DMD: variants seen among roughly 807,000 people sequenced by gnomAD.
DMD encodes the protein mutant dystrophin.
DMD carries 63 observed loss-of-function variants against 330.1 expected under a neutral mutation model. That is an observed-to-expected ratio of 0.19 (90% CI 0.16 to 0.24). DMD has a LOEUF of 0.24. Ranked by LOEUF, DMD falls within the 10% of genes least tolerant of loss-of-function variation. The pLI is 1.00. For synonymous variants in DMD, 1,223 were observed against 959.8 expected (o/e 1.27, Z -5.07); for missense variants, 3,344 against 2,684.1 (o/e 1.25, Z -5.43).
chrX:32,035,537 T>C (rs2147300973), intron 44 of DMD: 1 of 303,979 alleles, frequency 3.3e-6, no homozygotes, highest in Admixed American at 3.7e-5. Flanking sequence ...TAGTAGGCAA[T>C]TGCATGAGAG....
Position 31,602,941 on chromosome X carries a change from C to T in DMD, c.8217+24732G>A, listed in dbSNP as rs147680194. The stretch of plus-strand genomic sequence containing the variant: ...CATACATTCACGCTCCAGCCATGGC[C>T]TCACATAGGTGGAAAGTATTTTCCT... On this transcript the variant is annotated intron_variant, in intron 55 of 78. Coordinates refer to ENST00000357033, the MANE Select transcript of DMD (RefSeq NM_004006.3). Among the ~76,000 whole-genome samples, 1,109 of 111,943 alleles carry T rather than the reference C, an allele frequency of 9.9e-3. 13 individuals carry two copies. The highest frequency in any genetic ancestry group is 0.034 in the African/African-American group (1,039 of 30,810).
At chrX:32,720,126 A>T (rs181697147) in intron 7 of DMD, among the ~76,000 whole-genome samples, 1 of 111,373 alleles carries the variant, frequency 9.0e-6, no homozygotes, top group African/African-American at 3.2e-5. Context: ...GCCACTCAAC[A>T]CTCGTAACAC....
At chrX:31,212,178 A>ATG (rs377234015) in intron 64 of DMD, among the ~76,000 whole-genome samples, 1,432 of 75,216 alleles carry the variant, frequency 0.019, 7 homozygotes, top group Non-Finnish European at 0.023. Flanking sequence ...GTGTGTGTGT[A>ATG]TGTGTGTGTG....
intron 52 of DMD, among the ~76,000 whole-genome samples, chrX:31,726,697 G>A (rs1328964888): frequency 1.8e-5 from 2 of 111,908 alleles, no homozygotes; most frequent in African/African-American, 6.5e-5. Context: ...AAATGACATT[G>A]TTTAGATAAA....
intron 44 of DMD, among the ~76,000 whole-genome samples, chrX:32,113,706 C>T (rs917738114): frequency 9.0e-6 from 1 of 111,571 alleles, no homozygotes; most frequent in African/African-American, 3.3e-5. Context: ...TTCTCGATTT[C>T]ACAAGCAACT....
intron 11 of DMD, 94 bp downstream of exon 11, chrX:32,644,038 T>G: frequency 2.6e-6 from 2 of 776,918 alleles, no homozygotes; most frequent in Non-Finnish European, 3.8e-6. Context: ...GGGAACAAAC[T>G]GAGAATCGTA....
In DMD at chrX:32,171,199, C is replaced by A. The variant is rs182865165; in HGVS notation, c.6438+45717G>T. Among the ~76,000 whole-genome samples the A allele has an allele frequency of 6.3e-3, 697 of 111,265 alleles. 3 individuals carry two copies. The highest frequency in any genetic ancestry group is 0.011 in the Non-Finnish European group (595 of 52,990). Reference sequence around the variant, plus strand: ...ATTTAATATATTTTTATTTAATTAGCCATCATAGGGCCTTTGAAATAGTTC... The same window carrying A: ...ATTTAATATATTTTTATTTAATTAGACATCATAGGGCCTTTGAAATAGTTC... On this transcript the variant is annotated intron_variant, in intron 44 of 78. Transcript: ENST00000357033.
At chrX:31,264,738 T>C (rs1421389620) in intron 62 of DMD, among the ~76,000 whole-genome samples, 1 of 111,923 alleles carries the variant, frequency 8.9e-6, no homozygotes, top group Admixed American at 9.4e-5. Flanking sequence ...CACCTACTTG[T>C]CAATAATAAG....
chrX:32,687,697 C>A (rs1371865553), intron 9 of DMD, among the ~76,000 whole-genome samples: 1 of 111,526 alleles, frequency 9.0e-6, no homozygotes, highest in Non-Finnish European at 1.9e-5. Context: ...TTTTATTACA[C>A]CTATATGAGA....
intron 7 of DMD, among the ~76,000 whole-genome samples, chrX:32,805,229 G>T (rs754505711): frequency 9.0e-6 from 1 of 111,682 alleles, no homozygotes; most frequent in Non-Finnish European, 1.9e-5. Flanking sequence ...AAGGTTAGAG[G>T]AGTTGCTAAC....
At chrX:32,363,211 G>A (rs1229221620) in intron 36 of DMD, among the ~76,000 whole-genome samples, 1 of 111,813 alleles carries the variant, frequency 8.9e-6, no homozygotes, top group East Asian at 2.8e-4. Context: ...TAAGTTTGAT[G>A]CATGTCTATT....
intron 51 of DMD, among the ~76,000 whole-genome samples, chrX:31,761,367 T>C (rs1647558982): frequency 9.1e-6 from 1 of 110,214 alleles, no homozygotes; most frequent in Non-Finnish European, 1.9e-5. Context: ...AATATTGGGG[T>C]TTGTGACAAA....
At chrX:31,740,134 G>C (rs1338257440) in intron 51 of DMD, among the ~76,000 whole-genome samples, 1 of 111,120 alleles carries the variant, frequency 9.0e-6, no homozygotes, top group Non-Finnish European at 1.9e-5. Context: ...CAATTTCAAA[G>C]TCAAGAAAAA....
intron 1 of DMD, among the ~76,000 whole-genome samples, chrX:33,046,115 G>A (rs1428161117): frequency 1.8e-5 from 2 of 111,676 alleles, no homozygotes; most frequent in South Asian, 7.5e-4. Flanking sequence ...ATGCCATGAA[G>A]CTAAGTAATA....
chrX:32,859,459 T>TCA (rs1491491375), intron 2 of DMD, among the ~76,000 whole-genome samples: 6 of 69,601 alleles, frequency 8.6e-5, no homozygotes, highest in South Asian at 8.9e-4. Flanking sequence ...CGAAGCAAGA[T>TCA]CTCACACACA....
Position 31,687,001 on chromosome X carries a change from G to C in DMD, c.7661-7415C>G, listed in dbSNP as rs1000253102. 2.7e-5 allele frequency among the ~76,000 whole-genome samples: 3 copies of C among 111,057 alleles called. No homozygotes were observed. In the Admixed American group the frequency reaches 2.9e-4, roughly 11 times the overall value. Reference sequence around the variant, plus strand: ...CTCAGCCACAGTAGGATGGGGCATGGGCAGAGTCATGAGGCCCCCATTCCA... The same window carrying C: ...CTCAGCCACAGTAGGATGGGGCATGCGCAGAGTCATGAGGCCCCCATTCCA... On this transcript the variant is annotated intron_variant, in intron 52 of 78. Transcript: ENST00000357033.
intron 45 of DMD, among the ~76,000 whole-genome samples, chrX:31,963,983 G>A (rs2095329860): frequency 9.0e-6 from 1 of 110,754 alleles, no homozygotes; most frequent in African/African-American, 3.3e-5. Flanking sequence ...AGATCTGTCA[G>A]TCACCACCTG....
chrX:33,108,124 C>T (rs1375782774), intron 1 of DMD, among the ~76,000 whole-genome samples: 3 of 108,419 alleles, frequency 2.8e-5, no homozygotes, highest in Non-Finnish European at 5.7e-5. Flanking sequence ...TTTTGAAATA[C>T]GTAGAACAAA....
At position 32,251,464 on chromosome X, in the gene DMD, G is replaced by T. The variant is rs188996245; in HGVS notation, c.6291-34401C>A. Among the ~76,000 whole-genome samples, 18 of 111,007 alleles carry T rather than the reference G, an allele frequency of 1.6e-4. 1 individual carries two copies. In the East Asian group the frequency reaches 5.1e-3, roughly 32 times the overall value. On this transcript the variant is annotated intron_variant, in intron 43 of 78. Transcript: ENST00000357033. ...CTCAATATTATCTAATATGCTCAGG[G>T]ATCATCCCTGACACTTCACTGTCTT...
Sources: allele counts gnomAD v4.1 joint callset (sites outside exome capture counted in the v4.1 genomes callset), GRCh38; gene constraint gnomAD v4.1.1; transcripts MANE v1.5; gene names NCBI Gene and HGNC (gene_info 2026-07-23, HGNC 2026-07-21).